The following FGF13 variants were observed in gnomAD, a reference collection of about 807,000 sequenced individuals.
The protein encoded by FGF13 is fibroblast growth factor homologous factor 2.
Under a neutral mutation model 19.5 loss-of-function variants are expected in FGF13, and 2 were observed. The ratio of observed to expected loss-of-function variants is 0.10; its 90% CI spans 0.04 to 0.32. FGF13 has a LOEUF of 0.32. Ranked by LOEUF, FGF13 falls within the 10% of genes least tolerant of loss-of-function variation. FGF13 has a pLI of 1.00. For missense variants in FGF13, 113 were observed against 192.7 expected (o/e 0.59, Z 2.45); for synonymous variants, 72 against 76.9 (o/e 0.94, Z 0.33).
At chrX:139,046,958 A>C (rs1472515994) in intron 1 of FGF13, among the ~76,000 whole-genome samples, 1 of 111,731 alleles carries the variant, frequency 9.0e-6, no homozygotes, top group Non-Finnish European at 1.9e-5. Flanking sequence ...AAGAATTAAG[A>C]AAATAACTGG....
chrX:139,168,819 G>A (rs1603229121), intron 1 of FGF13, among the ~76,000 whole-genome samples: 1 of 111,998 alleles, frequency 8.9e-6, no homozygotes, highest in Non-Finnish European at 1.9e-5. Flanking sequence ...ATCCATGCTA[G>A]TAGTCATTCC....
chrX:139,009,915 C>G (rs910626570), intron 1 of FGF13, among the ~76,000 whole-genome samples: 3 of 111,544 alleles, frequency 2.7e-5, no homozygotes, highest in Non-Finnish European at 5.7e-5. Flanking sequence ...GGAGACTCAC[C>G]TAACACGTAA....
In FGF13 at chrX:138,625,467, T is replaced by TAC. The variant is rs2089050008; in HGVS notation, c.*7382_*7383insGT. Reference sequence around the variant, plus strand: ...GAATGAAGAAAGAAAATTATATATATATACATATATATATATAATATATAT... The same window carrying TAC: ...GAATGAAGAAAGAAAATTATATATATACATACATATATATATATAATATATAT... On this transcript the variant is annotated 3_prime_UTR_variant, in exon 5 of 5. Transcript: ENST00000315930. 2.1e-5 allele frequency: 2 copies of TAC among 95,451 alleles called. No individual in the cohort carries two copies. The highest frequency in any genetic ancestry group is 9.2e-4 in the South Asian group (2 of 2,182). The allele number at this position is 95,451 out of a possible 1,213,427, so 7.9% of individuals were successfully genotyped here. A position where few individuals can be genotyped will look rare whatever the true frequency, so the allele number is the denominator to read the frequency against.
chrX:139,201,244 A>G (rs2084412756), intron 1 of FGF13, among the ~76,000 whole-genome samples: 2 of 112,051 alleles, frequency 1.8e-5, no homozygotes, highest in African/African-American at 6.5e-5. Flanking sequence ...TAAAAAGACA[A>G]TCAGCAATTT....
intron 1 of FGF13, among the ~76,000 whole-genome samples, chrX:138,962,982 C>G (rs2091880637): frequency 9.0e-6 from 1 of 110,620 alleles, no homozygotes; most frequent in Admixed American, 9.5e-5. Flanking sequence ...TACCCAAGAA[C>G]TTAAAGTATA....
intron 1 of FGF13, among the ~76,000 whole-genome samples, chrX:138,730,695 T>C (rs2090223809): frequency 9.0e-6 from 1 of 110,756 alleles, no homozygotes; most frequent in Non-Finnish European, 1.9e-5. Context: ...CAAATAGAAC[T>C]CAAATACTAA....
intron 3 of FGF13, among the ~76,000 whole-genome samples, chrX:138,667,001 G>C (rs1376598637): frequency 9.2e-6 from 1 of 108,449 alleles, no homozygotes; most frequent in African/African-American, 3.3e-5. Flanking sequence ...GTAAACAGCA[G>C]GTTTGAAACA....
intron 1 of FGF13, among the ~76,000 whole-genome samples, chrX:138,947,811 T>C (rs999860138): frequency 1.1e-4 from 12 of 111,884 alleles, no homozygotes; most frequent in East Asian, 2.8e-4. Context: ...TATTTGGAGA[T>C]AGGCCTTTAA....
chrX:139,074,122 T>C (rs2092385315), intron 1 of FGF13, among the ~76,000 whole-genome samples: 1 of 112,120 alleles, frequency 8.9e-6, no homozygotes, highest in Non-Finnish European at 1.9e-5. Flanking sequence ...TTTTGTTCAG[T>C]ACTTTAGGAT....
At chrX:138,672,488 T>A (rs951283388) in intron 3 of FGF13, among the ~76,000 whole-genome samples, 2 of 111,820 alleles carry the variant, frequency 1.8e-5, no homozygotes, top group Non-Finnish European at 3.8e-5. Context: ...ACTCCAAGGA[T>A]GTTGACCTAA....
chrX:138,668,219 T>A (rs1201217578), intron 3 of FGF13, among the ~76,000 whole-genome samples: 1 of 111,431 alleles, frequency 9.0e-6, no homozygotes, highest in African/African-American at 3.3e-5. Flanking sequence ...TATACTACTA[T>A]TACCTCCATT....
chrX:138,957,042 AGGACATTAGTATATGCCTACGGGG>A (rs2091844573), intron 1 of FGF13, among the ~76,000 whole-genome samples: 1 of 111,830 alleles, frequency 8.9e-6, no homozygotes, highest in Non-Finnish European at 1.9e-5. Context: ...AGTACACGTT[AGGACATTAGTATATGCCTACGGGG>A]AAAGAAGAGA....
intron 3 of FGF13, chrX:138,807,239 C>T (rs972545871): frequency 1.4e-4 from 16 of 111,547 alleles, no homozygotes; most frequent in African/African-American, 4.2e-4. Context: ...ATTATTTTTA[C>T]GTTTTACAAC....
chrX:139,144,414 C>G (rs2037672461), intron 1 of FGF13, among the ~76,000 whole-genome samples: 1 of 111,942 alleles, frequency 8.9e-6, no homozygotes, highest in African/African-American at 3.2e-5. Context: ...CTATGAGAAA[C>G]AAAGCCCTGA....
chrX:139,064,524 G>A (rs1301106451), intron 1 of FGF13, among the ~76,000 whole-genome samples: 6 of 80,746 alleles, frequency 7.4e-5, no homozygotes, highest in Admixed American at 1.3e-4. Context: ...GGATGGTCTC[G>A]ATCTCCTGAC....
At chrX:138,819,133 T>TG (rs1156601732) in intron 3 of FGF13, among the ~76,000 whole-genome samples, 3 of 111,576 alleles carry the variant, frequency 2.7e-5, no homozygotes, top group African/African-American at 9.8e-5. Flanking sequence ...GTTAAGAGTA[T>TG]GGGCTCTAGA....
At chrX:138,820,197 G>A (rs193271162) in intron 3 of FGF13, among the ~76,000 whole-genome samples, 1 of 111,959 alleles carries the variant, frequency 8.9e-6, no homozygotes, top group Admixed American at 9.5e-5. Flanking sequence ...ATATCATAAG[G>A]CATTCTAAAG....
Position 138,710,929 on chromosome X carries a change from G to A in FGF13, c.75C>T (p.Cys25=), listed in dbSNP as rs138433794. The change falls in exon 1 of 5, where the codon TGC becomes TGT. Residue 25 remains cysteine (C), a synonymous_variant. Transcript: ENST00000315930. Reference sequence around the variant, plus strand: ...CTTTGCTGGGGCTGCTGACACACTTGCAGGCGTTGGATTTCTCGCGCTCGC... The same window carrying A: ...CTTTGCTGGGGCTGCTGACACACTTACAGGCGTTGGATTTCTCGCGCTCGC... ...QAREREKSNA[C]KCVSSPSKGK... 1.4e-4 allele frequency: 175 copies of A among 1,211,043 alleles called. 1 individual carries two copies. The South Asian group carries it at 2.4e-3, about 16-fold the overall frequency.
chrX:138,984,489 G>C (rs866767793), intron 1 of FGF13, among the ~76,000 whole-genome samples: 1 of 16,010 alleles, frequency 6.2e-5, no homozygotes, highest in Admixed American at 5.5e-4. Flanking sequence ...GGAGAAGAAG[G>C]AGAAGGAGAA....
Sources: gnomAD v4.1 joint callset for allele counts (sites outside exome capture counted in the v4.1 genomes callset) on GRCh38, gnomAD v4.1.1 for gene constraint, MANE v1.5 for transcripts, NCBI Gene and HGNC (gene_info 2026-07-23, HGNC 2026-07-21) for gene names.